PREP: variants seen among roughly 807,000 people sequenced by gnomAD.
The protein encoded by PREP is prolyl endopeptidase, also known as dJ355L5.1 (prolyl endopeptidase).
In PREP, 29 loss-of-function variants were observed where a neutral mutation model predicts 87.6. The ratio of observed to expected loss-of-function variants is 0.33; its 90% CI spans 0.25 to 0.45. The LOEUF is 0.45. Ranked by LOEUF, PREP falls within the 20% of genes least tolerant of loss-of-function variation. PREP has a pLI of 1.00. For synonymous variants in PREP, 337 were observed against 328.6 expected (o/e 1.03, Z -0.28); for missense variants, 695 against 886.5 (o/e 0.78, Z 2.74).
At chr6:105,310,336 C>T (rs1248948073) in intron 10 of PREP, among the ~76,000 whole-genome samples, 1 of 152,180 alleles carries the variant, frequency 6.6e-6, no homozygotes, top group Non-Finnish European at 1.5e-5. Flanking sequence ...TCTTCAATCA[C>T]ACCCATCCAT....
At chr6:105,365,946 T>C (rs1772371509) in intron 6 of PREP, among the ~76,000 whole-genome samples, 3 of 152,086 alleles carry the variant, frequency 2.0e-5, no homozygotes, top group Admixed American at 1.3e-4. Context: ...CTTTATTTAT[T>C]GCTATTCTTT....
chr6:105,374,632 TTATATATATATATA>T (rs61452752), intron 4 of PREP, among the ~76,000 whole-genome samples: 1,031 of 91,214 alleles, frequency 0.011, 26 homozygotes, highest in East Asian at 0.024. Context: ...TTTGAATTGT[TTATATATATATATA>T]TATATATATA....
At chr6:105,315,846 C>T (rs140975115) in intron 10 of PREP, among the ~76,000 whole-genome samples, 2 of 152,324 alleles carry the variant, frequency 1.3e-5, no homozygotes, top group African/African-American at 4.8e-5. Context: ...CCAACCTCTG[C>T]TAGCTCCCTA....
rs1769969835 is a variant in PREP, at chr6:105,277,518, T to A, written c.*626A>T. On this transcript the variant is annotated 3_prime_UTR_variant, in exon 15 of 15. Coordinates refer to ENST00000652536, the MANE Select transcript of PREP (RefSeq NM_002726.5). ...TTTGTTTATGACAGTGAACCCCCTCTGACAGCTTCATCACCTCTAACAAAC... is the reference window on the plus strand; with the variant it reads ...TTTGTTTATGACAGTGAACCCCCTCAGACAGCTTCATCACCTCTAACAAAC... 1 of 152,468 alleles carries A rather than the reference T, an allele frequency of 6.6e-6. No individual in the cohort carries two copies. The highest frequency in any genetic ancestry group is 2.4e-5 in the African/African-American group (1 of 41,348). The allele number at this position is 152,468 out of a possible 1,614,324, so 9.4% of individuals were successfully genotyped here. A position where few individuals can be genotyped will look rare whatever the true frequency, so the allele number is the denominator to read the frequency against.
intron 14 of PREP, chr6:105,281,184 T>G (rs944196846): frequency 6.6e-6 from 1 of 152,378 alleles, no homozygotes; most frequent in African/African-American, 2.4e-5. Flanking sequence ...AGTCTCGGGA[T>G]GTTGGCAGAA....
Position 105,278,318 on chromosome 6 carries a change from A to C in PREP, c.1959T>G (p.Ile653Met). Residue 653 changes from isoleucine to methionine, a missense_variant, in exon 15 of 15, where the codon ATT (isoleucine) becomes ATG (methionine). Coordinates refer to ENST00000652536, the MANE Select transcript of PREP (RefSeq NM_002726.5). The surrounding 1 kb of genome is among the most constrained non-coding windows in gnomAD (Gnocchi z 4.2). ...GGCCCACGATGTACTGAAGGGTGGC[A>C]ATGAACTTCAGGGAGTGAAGCGGGA... ...RVVPLHSLKF[I>M]ATLQYIVGRS... 1.9e-6 allele frequency: 3 copies of C among 1,614,210 alleles called. No homozygotes were observed. In the South Asian group the frequency reaches 3.3e-5, roughly 18 times the overall value.
Position 105,281,851 on chromosome 6 carries a change from A to C in PREP, c.1733T>G (p.Val578Gly). 1 of 1,614,196 alleles carries C rather than the reference A, an allele frequency of 6.2e-7. No homozygotes were observed. Among genetic ancestry groups the C allele is most frequent in the Non-Finnish European group, 8.5e-7 (1 of 1,180,036 alleles). Residue 578 changes from valine to glycine, a missense_variant, in exon 14 of 15, where the codon GTT (valine) becomes GGT (glycine). Coordinates refer to ENST00000652536, the MANE Select transcript of PREP (RefSeq NM_002726.5). ...PDLFGCVIAQ[V>G]GVMDMLKFHK... ...AAACTTCAGCATGTCCATTACTCCA[A>C]CTTGGGCAATAACACAACCAAAGAG...
chr6:105,291,611 G>A (rs1770298546), intron 10 of PREP, among the ~76,000 whole-genome samples: 1 of 152,114 alleles, frequency 6.6e-6, no homozygotes, highest in Admixed American at 6.5e-5. Context: ...TCAAACATCG[G>A]ACTCCAGGTT....
intron 10 of PREP, among the ~76,000 whole-genome samples, chr6:105,322,083 G>GA (rs1771026020): frequency 6.6e-6 from 1 of 151,504 alleles, no homozygotes; most frequent in African/African-American, 2.4e-5. Flanking sequence ...ACAAATTAGA[G>GA]GAAAAAAAAG....
chr6:105,278,293 G>A lies in PREP; in HGVS notation c.1984C>T (p.Arg662Cys), dbSNP rs758277302. ...AGGGGGTTGCTTTGCTTCCTGCTGC[G>A]GCCCACGATGTACTGAAGGGTGGCA... Reference protein sequence around the residue: ...FIATLQYIVGRSRKQSNPLLI... With the variant: ...FIATLQYIVGCSRKQSNPLLI... The change falls in exon 15 of 15, where the codon CGC becomes TGC. Residue 662 changes from arginine to cysteine, a missense_variant. By Grantham distance (180) the Arg-to-Cys change is radical. Coordinates refer to ENST00000652536, the MANE Select transcript of PREP (RefSeq NM_002726.5). The surrounding 1 kb of genome is among the most constrained non-coding windows in gnomAD (Gnocchi z 4.2). 18 of 1,614,058 alleles carry A rather than the reference G, an allele frequency of 1.1e-5. No homozygotes were observed. Among genetic ancestry groups the A allele is most frequent in the Middle Eastern group, 1.6e-4 (1 of 6,082 alleles).
chr6:105,400,254 AG>A (rs986517559), intron 1 of PREP, among the ~76,000 whole-genome samples: 3 of 152,160 alleles, frequency 2.0e-5, no homozygotes, highest in African/African-American at 7.2e-5. Flanking sequence ...AGCCCTGATA[AG>A]GTACTGTACT....
chr6:105,326,178 G>A (rs942378826), intron 9 of PREP, among the ~76,000 whole-genome samples: 4 of 152,100 alleles, frequency 2.6e-5, no homozygotes, highest in Non-Finnish European at 5.9e-5. Flanking sequence ...CCTGATATCC[G>A]TGAAAGGTTT....
intron 7 of PREP, among the ~76,000 whole-genome samples, chr6:105,345,842 G>T (rs1021594248): frequency 3.3e-5 from 5 of 152,200 alleles, no homozygotes; most frequent in African/African-American, 1.2e-4. Context: ...GGAAGCTGTT[G>T]AGAAGACTGA....
chr6:105,281,946 A>G (rs904587398), intron 13 of PREP, 44 bp from the exon 14 acceptor site: 3 of 1,601,696 alleles, frequency 1.9e-6, no homozygotes, highest in Admixed American at 1.7e-5. Flanking sequence ...GTCTATCATT[A>G]AACATCTACA....
At chr6:105,366,204 C>G (rs1772379522) in intron 6 of PREP, among the ~76,000 whole-genome samples, 1 of 152,100 alleles carries the variant, frequency 6.6e-6, no homozygotes, top group Non-Finnish European at 1.5e-5. Context: ...TTGGAGTCAG[C>G]CGAGACTGAG....
intron 2 of PREP, among the ~76,000 whole-genome samples, chr6:105,384,195 A>C (rs2114721695): frequency 6.6e-6 from 1 of 152,266 alleles, no homozygotes; most frequent in East Asian, 1.9e-4. Context: ...GACCTCAAGC[A>C]GGTGAGGCTG....
chr6:105,357,474 C>T (rs1038393642), intron 6 of PREP, among the ~76,000 whole-genome samples: 11 of 152,166 alleles, frequency 7.2e-5, no homozygotes, highest in African/African-American at 1.4e-4. Context: ...GCTGTTATAA[C>T]GCCAATTAAG....
chr6:105,363,851 T>C (rs1418588947), intron 6 of PREP, among the ~76,000 whole-genome samples: 1 of 151,992 alleles, frequency 6.6e-6, no homozygotes, highest in Non-Finnish European at 1.5e-5. Context: ...GGCAGGCAGG[T>C]GGTGCAAAAG....
intron 7 of PREP, among the ~76,000 whole-genome samples, chr6:105,342,947 C>A (rs1259575360): frequency 7.0e-6 from 1 of 143,618 alleles, no homozygotes; most frequent in Non-Finnish European, 1.5e-5. Flanking sequence ...AATGGCCATA[C>A]TGCCCAAGGT....
Sources: gnomAD v4.1 joint callset for allele counts (sites outside exome capture counted in the v4.1 genomes callset) on GRCh38, gnomAD v4.1.1 for gene constraint, Gnocchi (gnomAD v3.1) non-coding constraint, MANE v1.5 for transcripts, NCBI Gene and HGNC (gene_info 2026-07-23, HGNC 2026-07-21) for gene names.